PDE8A: variants seen among roughly 807,000 people sequenced by gnomAD.
PDE8A encodes the protein high affinity cAMP-specific and IBMX-insensitive 3',5'-cyclic phosphodiesterase 8A.
In PDE8A, 59 loss-of-function variants were observed where a neutral mutation model predicts 105.0. The ratio of observed to expected loss-of-function variants is 0.56; its 90% CI spans 0.46 to 0.70. The LOEUF (loss-of-function observed/expected upper bound fraction) is 0.70, where lower values mean the gene tolerates loss of function less well. Among genes scored for constraint, PDE8A ranks in the 30% least tolerant of loss-of-function variants. The pLI is 0.00. For missense variants in PDE8A, 1,014 were observed against 1,045.9 expected (o/e 0.97, Z 0.42); for synonymous variants, 355 against 371.9 (o/e 0.95, Z 0.52).
chr15:85,059,244 C>T (rs1450034739), intron 1 of PDE8A, among the ~76,000 whole-genome samples: 3 of 152,108 alleles, frequency 2.0e-5, no homozygotes, highest in Non-Finnish European at 2.9e-5. Context: ...TGTGTTACAT[C>T]TATCTTTTAA....
chr15:85,087,036 T>G (rs2081565089), intron 6 of PDE8A, among the ~76,000 whole-genome samples: 1 of 118,542 alleles, frequency 8.4e-6, no homozygotes, highest in Admixed American at 8.4e-5. Flanking sequence ...CCCAGCATGT[T>G]TTTTGCTTTT....
At chr15:85,013,113 C>T (rs1247439139) in intron 1 of PDE8A, among the ~76,000 whole-genome samples, 2 of 152,168 alleles carry the variant, frequency 1.3e-5, no homozygotes, top group Non-Finnish European at 1.5e-5. Context: ...CACTAAATGA[C>T]CCTGCATTTG....
chr15:85,018,878 T>C lies in PDE8A; in HGVS notation c.186+36530T>C, dbSNP rs1026090123. ...TGCCATTTTTAATGCTCTTGGATCA[T>C]TTTTACTTTGGGGTGTAAGTACCAT... On this transcript the variant is annotated intron_variant, in intron 1 of 21. Coordinates refer to ENST00000394553, the MANE Select transcript of PDE8A (RefSeq NM_002605.3). 5.9e-4 allele frequency among the ~76,000 whole-genome samples: 90 copies of C among 152,250 alleles called. 1 individual carries two copies. Among genetic ancestry groups the C allele is most frequent in the Admixed American group, 4.6e-4 (7 of 15,286 alleles).
chr15:85,037,744 G>T (rs965943715), intron 1 of PDE8A, among the ~76,000 whole-genome samples: 6 of 151,802 alleles, frequency 4.0e-5, no homozygotes, highest in Admixed American at 6.5e-5. Flanking sequence ...AAGTAAAGAG[G>T]AAATGATATC....
intron 11 of PDE8A, among the ~76,000 whole-genome samples, chr15:85,105,933 G>T (rs2081941424): frequency 6.6e-6 from 1 of 152,156 alleles, no homozygotes; most frequent in African/African-American, 2.4e-5. Flanking sequence ...GGGTGCTGGG[G>T]TGACAGGGTG....
intron 8 of PDE8A, among the ~76,000 whole-genome samples, chr15:85,092,948 G>T (rs1291089174): frequency 1.4e-5 from 2 of 146,588 alleles, no homozygotes; most frequent in African/African-American, 5.1e-5. Context: ...TTGAGACAGG[G>T]TCTCATTCTG....
chr15:85,098,242 C>T (rs2081794085), intron 9 of PDE8A, among the ~76,000 whole-genome samples: 1 of 152,202 alleles, frequency 6.6e-6, no homozygotes, highest in Non-Finnish European at 1.5e-5. Context: ...CCAACATACT[C>T]TGGGCAGTCT....
intron 1 of PDE8A, among the ~76,000 whole-genome samples, chr15:85,016,925 C>G (rs556264003): frequency 6.7e-6 from 1 of 150,102 alleles, no homozygotes; most frequent in East Asian, 1.9e-4. Flanking sequence ...ATTTTCTCTT[C>G]CATTATGTTT....
chr15:84,993,358 G>A (rs1461085714), intron 1 of PDE8A, among the ~76,000 whole-genome samples: 1 of 146,916 alleles, frequency 6.8e-6, no homozygotes, highest in Non-Finnish European at 1.5e-5. Context: ...CAGGAGAATG[G>A]CATGAACCCA....
chr15:85,067,569 G>T (rs547406159), intron 3 of PDE8A, among the ~76,000 whole-genome samples: 6 of 152,180 alleles, frequency 3.9e-5, no homozygotes, highest in Non-Finnish European at 5.9e-5. Context: ...CGATGAATGG[G>T]CTTTATTTAT....
At chr15:85,027,127 T>C (rs539220324) in intron 1 of PDE8A, among the ~76,000 whole-genome samples, 1 of 152,326 alleles carries the variant, frequency 6.6e-6, no homozygotes, top group Admixed American at 6.5e-5. Flanking sequence ...CCTGTTTTCT[T>C]TGCCCTCCAG....
intron 20 of PDE8A, 110 bp downstream of exon 20, chr15:85,126,484 T>C (rs2082260958): frequency 1.2e-6 from 1 of 835,716 alleles, no homozygotes; most frequent in South Asian, 4.7e-5. Context: ...AAAAATTCTG[T>C]CCTTGTTTTG....
At chr15:84,994,385 C>G (rs1176264938) in intron 1 of PDE8A, among the ~76,000 whole-genome samples, 1 of 152,202 alleles carries the variant, frequency 6.6e-6, no homozygotes, top group Non-Finnish European at 1.5e-5. Flanking sequence ...AAGTGTACAG[C>G]TTGATGAATT....
intron 3 of PDE8A, among the ~76,000 whole-genome samples, chr15:85,074,534 C>G (rs1281231228): frequency 6.6e-6 from 1 of 152,136 alleles, no homozygotes; most frequent in Non-Finnish European, 1.5e-5. Context: ...GACCTCGTCT[C>G]TACAAAAAAT....
chr15:85,055,039 C>T (rs990192926), intron 1 of PDE8A, among the ~76,000 whole-genome samples: 2 of 151,914 alleles, frequency 1.3e-5, no homozygotes, highest in Non-Finnish European at 2.9e-5. Flanking sequence ...TTCAAAGAAC[C>T]TCTTTATTTC....
chr15:85,117,732 C>G lies in PDE8A; in HGVS notation c.1627C>G (p.Gln543Glu), dbSNP rs765820635. ...CSESTLRSWL[Q>E]IIEANYHSSN... ...CGAGTCAACGCTAAGATCATGGTTA[C>G]AAATTATCGAAGCCAATTATCATTC... is the stretch of plus-strand genomic sequence containing the variant. The change falls in exon 17 of 22, where the codon CAA becomes GAA. Residue 543 changes from glutamine (Q) to glutamate (E), a missense_variant. Physicochemically the swap from Gln to Glu is conservative, Grantham distance 29 (BLOSUM62 2). Coordinates refer to ENST00000394553, the MANE Select transcript of PDE8A (RefSeq NM_002605.3). The G allele has an allele frequency of 4.3e-6, 7 of 1,613,886 alleles. No individual in the cohort carries two copies. The highest frequency in any genetic ancestry group is 1.3e-5 in the African/African-American group (1 of 75,058).
chr15:85,111,947 G>A (rs1384237533), intron 12 of PDE8A, among the ~76,000 whole-genome samples: 2 of 151,976 alleles, frequency 1.3e-5, no homozygotes, highest in Non-Finnish European at 2.9e-5. Flanking sequence ...CTATTGTAGT[G>A]GTGTTACTTG....
intron 20 of PDE8A, among the ~76,000 whole-genome samples, chr15:85,136,257 G>A (rs1467586307): frequency 6.6e-6 from 1 of 152,210 alleles, no homozygotes; most frequent in African/African-American, 2.4e-5. Context: ...TAATGTTTGG[G>A]ATCTTACCTG....
chr15:85,012,808 T>C (rs1195056567), intron 1 of PDE8A, among the ~76,000 whole-genome samples: 1 of 152,174 alleles, frequency 6.6e-6, no homozygotes, highest in Non-Finnish European at 1.5e-5. Context: ...TGGAAATTAA[T>C]TTTGATGATT....
Sources: gnomAD v4.1 joint callset for allele counts (sites outside exome capture counted in the v4.1 genomes callset) on GRCh38, gnomAD v4.1.1 for gene constraint, MANE v1.5 for transcripts, NCBI Gene and HGNC (gene_info 2026-07-23, HGNC 2026-07-21) for gene names.